Variants in IFT172 observed in about 807,000 individuals in gnomAD.
IFT172 encodes the protein intraflagellar transport protein 172 homolog.
A neutral mutation model predicts 248.9 loss-of-function variants in IFT172; 164 were observed. That is an observed-to-expected ratio of 0.66 (90% CI 0.58 to 0.75). The LOEUF (loss-of-function observed/expected upper bound fraction) is 0.75. Ranked by LOEUF, IFT172 falls within the 30% of genes least tolerant of loss-of-function variation. The probability of loss-of-function intolerance (pLI) is 0.00; values close to 1 mark genes in which losing one functional copy is unlikely to be tolerated. For missense variants in IFT172, 1,950 were observed against 2,192.4 expected (o/e 0.89, Z 2.21); for synonymous variants, 729 against 791.6 (o/e 0.92, Z 1.33).
chr2:27,479,527 C>G lies in IFT172; in HGVS notation c.987G>C (p.Thr329=), dbSNP rs376714689. Reference sequence around the variant, plus strand: ...TGCTTACCTGGCTAGGTCCCACATACGTCAACTCAAACTTGTTCTTGTAAA... The same window carrying G: ...TGCTTACCTGGCTAGGTCCCACATAGGTCAACTCAAACTTGTTCTTGTAAA... The part of the protein sequence containing the change: ...RSIYKNKFEL[T]YVGPSQVIVK... Residue 329 remains threonine, a synonymous_variant, in exon 10 of 48, where the codon ACG becomes ACC. Coordinates refer to ENST00000260570, the MANE Select transcript of IFT172 (RefSeq NM_015662.3). 6.2e-7 allele frequency: 1 copy of G among 1,609,482 alleles called. No individual in the cohort carries two copies. Among genetic ancestry groups the G allele is most frequent in the Non-Finnish European group, 8.5e-7 (1 of 1,175,772 alleles).
chr2:27,447,408 G>T, intron 42 of IFT172, 107 bp downstream of exon 42: 1 of 1,461,424 alleles, frequency 6.8e-7, no homozygotes, highest in South Asian at 1.3e-5. Context: ...CAGGTGGGGA[G>T]ATTCAAGAGC....
chr2:27,446,580 C>G (rs1317035212), intron 42 of IFT172: 2 of 425,806 alleles, frequency 4.7e-6, no homozygotes, highest in Non-Finnish European at 8.5e-6. Flanking sequence ...GTGGTGCCAT[C>G]TCAGCTCACT....
chr2:27,459,463 T>C lies in IFT172; in HGVS notation c.2702A>G (p.Tyr901Cys), dbSNP rs1178042477. Reference sequence around the variant, plus strand: ...GTTCCGGTCCTGTAGATCTAATATATAAATTGCCTTCTTCCACTGGCGGGC... The same window carrying C: ...GTTCCGGTCCTGTAGATCTAATATACAAATTGCCTTCTTCCACTGGCGGGC... Reference protein sequence around the residue: ...LGARQWKKAIYILDLQDRNTA... With the variant: ...LGARQWKKAICILDLQDRNTA... Residue 901 changes from tyrosine (Y) to cysteine (C), a missense_variant, in exon 25 of 48, where the codon TAT (tyrosine) becomes TGT (cysteine). By Grantham distance (194) the Tyr-to-Cys change is radical. Transcript: ENST00000260570. 2.5e-6 allele frequency: 4 copies of C among 1,614,104 alleles called. No individual in the cohort carries two copies. The Admixed American group carries it at 6.7e-5, about 27-fold the overall frequency.
Position 27,444,471 on chromosome 2 carries a change from C to A in IFT172, c.5211G>T (p.Trp1737Cys). 1 of 1,613,676 alleles carries A rather than the reference C, an allele frequency of 6.2e-7. No individual in the cohort carries two copies. The highest frequency in any genetic ancestry group is 8.5e-7 in the Non-Finnish European group (1 of 1,179,800). ...CQDVLKFISQ[W>C]CGGLPSTSFS... The stretch of plus-strand genomic sequence containing the variant: ...AGCTGGTGCTGGGGAGCCCTCCACA[C>A]CACTGACTGATGAATTTCAGCACGT... Residue 1737 changes from tryptophan to cysteine, a missense_variant, in exon 48 of 48, where the codon TGG becomes TGT. By Grantham distance (215) the Trp-to-Cys change is radical. Around this residue, in one of 3 missense-constraint regions of IFT172, gnomAD observed 620 missense variants for 699.0 expected, o/e 0.89. Transcript: ENST00000260570.
intron 35 of IFT172, among the ~76,000 whole-genome samples, chr2:27,452,714 C>A (rs1665781414): frequency 6.6e-6 from 1 of 152,186 alleles, no homozygotes; most frequent in Admixed American, 6.5e-5. Flanking sequence ...TATTTAAGGC[C>A]AGGCGTGGGA....
rs1470090185 is a variant in IFT172 at position 27,477,559 on chromosome 2, A to G, written c.1221T>C (p.Asn407=). Residue 407 remains asparagine (N), a splice_region_variant and synonymous_variant, in exon 12 of 48, where the codon AAT becomes AAC. Coordinates refer to ENST00000260570, the MANE Select transcript of IFT172 (RefSeq NM_015662.3). ...GNEKYFFENE[N]VCMIFNAGEL... Reference sequence around the variant, plus strand: ...TGATGGTGAATCAAGCTCTACTCACATTCTCATTTTCAAAGAAATACTTCT... The same window carrying G: ...TGATGGTGAATCAAGCTCTACTCACGTTCTCATTTTCAAAGAAATACTTCT... 1 of 1,600,458 alleles carries G rather than the reference A, an allele frequency of 6.2e-7. No individual in the cohort carries two copies. The highest frequency in any genetic ancestry group is 8.6e-7 in the Non-Finnish European group (1 of 1,167,438).
chr2:27,464,114 G>C (rs898485866), intron 18 of IFT172, among the ~76,000 whole-genome samples: 1 of 152,232 alleles, frequency 6.6e-6, no homozygotes, highest in Admixed American at 6.5e-5. Flanking sequence ...GCAGGTGGGA[G>C]ACGGCAGTGG....
At chr2:27,489,390 G>C (rs190716419) in intron 1 of IFT172, among the ~76,000 whole-genome samples, 14 of 152,324 alleles carry the variant, frequency 9.2e-5, no homozygotes, top group Admixed American at 6.5e-4. Flanking sequence ...CCCCAGCATG[G>C]GGCCTGTACA....
chr2:27,453,709 T>C lies in IFT172; in HGVS notation c.3742A>G (p.Ile1248Val). Residue 1248 changes from isoleucine (I) to valine (V), a missense_variant, in exon 34 of 48, where the codon ATC becomes GTC. Ile to Val is a conservative substitution (Grantham distance 29). This residue lies in a region of IFT172 where 620 missense variants were observed against 699.0 expected (regional missense o/e 0.89). Transcript: ENST00000260570. ...EAGLWSDALR[I>V]CKDYVPSQLE... ...TGGCTGGGCACATAGTCCTTGCAGATGCGCAGAGCGTCACTCCATAATCCA... is the reference window on the plus strand; with the variant it reads ...TGGCTGGGCACATAGTCCTTGCAGACGCGCAGAGCGTCACTCCATAATCCA... 1 of 1,612,532 alleles carries C rather than the reference T, an allele frequency of 6.2e-7. No individual in the cohort carries two copies. The highest frequency in any genetic ancestry group is 1.1e-5 in the South Asian group (1 of 90,962).
At chr2:27,448,662 TGC>T (rs1468549673) in intron 40 of IFT172, among the ~76,000 whole-genome samples, 1 of 152,120 alleles carries the variant, frequency 6.6e-6, no homozygotes, top group Non-Finnish European at 1.5e-5. Context: ...CCTGTGTATT[TGC>T]TAACAGCATG....
At chr2:27,451,689 C>T (rs1665688943) in intron 35 of IFT172, among the ~76,000 whole-genome samples, 1 of 152,158 alleles carries the variant, frequency 6.6e-6, no homozygotes, top group African/African-American at 2.4e-5. Flanking sequence ...TGGCCTAAAC[C>T]CAGGAGGCGG....
At position 27,458,147 on chromosome 2, in the gene IFT172, C is replaced by A; in HGVS notation, c.2954G>T (p.Gly985Val). 8.7e-6 allele frequency: 14 copies of A among 1,614,142 alleles called. No individual in the cohort carries two copies. Among genetic ancestry groups the A allele is most frequent in the Non-Finnish European group, 1.2e-5 (14 of 1,180,002 alleles). ...TCACCTTTCAGCCTCACGGTACTTG[C>A]CCTGCTTCTCCATTTCCTGGGCCTG... Reference protein sequence around the residue: ...ITQAQEMEKQGKYREAERLYV... With the variant: ...ITQAQEMEKQVKYREAERLYV... The change falls in exon 27 of 48, where the codon GGC becomes GTC. Residue 985 changes from glycine (G) to valine (V), a missense_variant. This residue lies in a region of IFT172 where 1,166 missense variants were observed against 1,254.1 expected (regional missense o/e 0.93). Coordinates refer to ENST00000260570, the MANE Select transcript of IFT172 (RefSeq NM_015662.3).
rs905264258 is a variant in IFT172, at chr2:27,463,084, G to A, written c.2022+13C>T. On this transcript the variant is annotated intron_variant, in intron 19 of 47. Transcript: ENST00000260570. Reference sequence around the variant, plus strand: ...GGGAGACAGACAGAATGAATCAGGAGCATAATACTTGCATATTCCCGGGAT... The same window carrying A: ...GGGAGACAGACAGAATGAATCAGGAACATAATACTTGCATATTCCCGGGAT... The A allele has an allele frequency of 3.7e-6, 6 of 1,611,904 alleles. No homozygotes were observed. Among genetic ancestry groups the A allele is most frequent in the Admixed American group, 1.7e-5 (1 of 59,990 alleles).
rs981957424 is a variant in IFT172 at position 27,445,581 on chromosome 2, T to C, written c.4915-132A>G. 6.2e-6 allele frequency: 8 copies of C among 1,293,644 alleles called. No individual in the cohort carries two copies. The Admixed American group carries it at 1.2e-4, about 19-fold the overall frequency. The allele number at this position is 1,293,644 out of a possible 1,614,324, so 80.1% of individuals were successfully genotyped here. A position where few individuals can be genotyped will look rare whatever the true frequency, so the allele number is the denominator to read the frequency against. On this transcript the variant is annotated intron_variant, in intron 45 of 47. Transcript: ENST00000260570. The surrounding 1 kb of genome is among the most constrained non-coding windows in gnomAD (Gnocchi z 4.4). Reference sequence around the variant, plus strand: ...CTTTTAGCCACGAATCCTCCTTGGATTGGGGGATGCAGTCACAGCCTTTTC... The same window carrying C: ...CTTTTAGCCACGAATCCTCCTTGGACTGGGGGATGCAGTCACAGCCTTTTC...
In IFT172 at chr2:27,472,381, A is replaced by G; in HGVS notation, c.1412-19T>C. ...AGATCCACTATAGAATAAAGGAGAC[A>G]GGGTTAAGAAGAGAGATTCCACACA... On this transcript the variant is annotated intron_variant, in intron 14 of 47. Transcript: ENST00000260570. 1 of 1,592,706 alleles carries G rather than the reference A, an allele frequency of 6.3e-7. No homozygotes were observed. Among genetic ancestry groups the G allele is most frequent in the South Asian group, 1.1e-5 (1 of 90,292 alleles).
intron 36 of IFT172, 63 bp downstream of exon 36, chr2:27,449,935 G>C: frequency 6.8e-7 from 1 of 1,461,654 alleles, no homozygotes; most frequent in Non-Finnish European, 9.6e-7. Context: ...CCTGGGTGTA[G>C]ATGTCACCCT....
Position 27,483,871 on chromosome 2 carries a change from C to T in IFT172, c.402+1G>A. On this transcript the variant is annotated splice_donor_variant, in intron 5 of 47. Transcript: ENST00000260570. LOFTEE classifies it high-confidence loss of function. ...TCTTGTGTTTCCCTTCCCTCTTTTA[C>T]CTTCCCTTCAGCCAGTCCAAAGACA... 6.2e-7 allele frequency: 1 copy of T among 1,611,860 alleles called. No homozygotes were observed. The highest frequency in any genetic ancestry group is 1.1e-5 in the South Asian group (1 of 91,036).
At chr2:27,456,458 G>T (rs766220183) in intron 30 of IFT172, 53 bp downstream of exon 30, 21 of 1,569,826 alleles carry the variant, frequency 1.3e-5, no homozygotes, top group Non-Finnish European at 1.6e-5. Flanking sequence ...TCTTTCTCTA[G>T]ATAGTGGCTC....
intron 16 of IFT172, among the ~76,000 whole-genome samples, chr2:27,468,124 C>T (rs11904779): frequency 0.38 from 56,187 of 149,168 alleles, 10,861 homozygotes; most frequent in Admixed American, 0.44. Context: ...TGTGCCACTG[C>T]ACTCCAGCCT....
Sources: gnomAD v4.1 joint callset for allele counts (sites outside exome capture counted in the v4.1 genomes callset) on GRCh38, gnomAD v4.1.1 for gene constraint, gnomAD v4.1.1 regional missense constraint, Gnocchi (gnomAD v3.1) non-coding constraint, MANE v1.5 for transcripts, NCBI Gene and HGNC (gene_info 2026-07-23, HGNC 2026-07-21) for gene names.